Variants in IGSF21 observed in about 807,000 individuals in gnomAD.
The protein encoded by IGSF21 is immunoglobulin superfamily member 21.
IGSF21 carries 28 observed loss-of-function variants against 46.8 expected under a neutral mutation model. The ratio of observed to expected loss-of-function variants is 0.60; its 90% CI spans 0.44 to 0.82. The LOEUF (loss-of-function observed/expected upper bound fraction) is 0.82. Ranked by LOEUF, IGSF21 falls within the 40% of genes least tolerant of loss-of-function variation. IGSF21 has a pLI of 0.00. For synonymous variants in IGSF21, 284 were observed against 273.6 expected (o/e 1.04, Z -0.38); for missense variants, 624 against 665.5 (o/e 0.94, Z 0.69).
At chr1:18,226,847 G>A (rs2084572237) in intron 1 of IGSF21, among the ~76,000 whole-genome samples, 1 of 152,214 alleles carries the variant, frequency 6.6e-6, no homozygotes, top group Admixed American at 6.5e-5. Flanking sequence ...TCAGCCGGCA[G>A]GAAGCCGATC....
chr1:18,349,963 T>C (rs993921523), intron 4 of IGSF21, among the ~76,000 whole-genome samples: 2 of 152,010 alleles, frequency 1.3e-5, no homozygotes, highest in East Asian at 3.9e-4. Context: ...CAGGGATAAG[T>C]GGCTTGCCAA....
At chr1:18,359,375 AAAGAAAGAAAGGAAGGAAGGAAGGAAGG>A (rs1373757670) in intron 4 of IGSF21, among the ~76,000 whole-genome samples, 9 of 97,146 alleles carry the variant, frequency 9.3e-5, no homozygotes, top group East Asian at 5.4e-4. Flanking sequence ...AGAAAGAAAG[AAAGAAAGAAAGGAAGGAAGGAAGGAAGG>A]AAGGAAGGAA....
chr1:18,146,974 C>T (rs1274506504), intron 1 of IGSF21, among the ~76,000 whole-genome samples: 1 of 152,208 alleles, frequency 6.6e-6, no homozygotes, highest in Non-Finnish European at 1.5e-5. Context: ...GATTCCTTGT[C>T]TGCCCTTGCT....
intron 2 of IGSF21, among the ~76,000 whole-genome samples, chr1:18,255,247 C>G (rs78072579): frequency 1.3e-5 from 2 of 152,214 alleles, no homozygotes; most frequent in Admixed American, 1.3e-4. Flanking sequence ...CCAAACTTCA[C>G]TCTGCACTCC....
chr1:18,166,684 A>G (rs2086681903), intron 1 of IGSF21, among the ~76,000 whole-genome samples: 4 of 152,168 alleles, frequency 2.6e-5, no homozygotes, highest in African/African-American at 9.6e-5. Context: ...GGGAAGGGGG[A>G]TGCAGAGTGG....
chr1:18,174,599 CT>C (rs965566826), intron 1 of IGSF21, among the ~76,000 whole-genome samples: 72 of 152,330 alleles, frequency 4.7e-4, no homozygotes, highest in African/African-American at 1.5e-3. Flanking sequence ...CGACTTCCCC[CT>C]GCCAGCTCTC....
chr1:18,272,466 G>C (rs2085052083), intron 2 of IGSF21, among the ~76,000 whole-genome samples: 1 of 152,186 alleles, frequency 6.6e-6, no homozygotes, highest in Admixed American at 6.5e-5. Flanking sequence ...TAGTTGGGAG[G>C]ATCCAGTGAG....
chr1:18,247,528 C>A (rs1469183191), intron 2 of IGSF21, among the ~76,000 whole-genome samples: 1 of 152,204 alleles, frequency 6.6e-6, no homozygotes, highest in South Asian at 2.1e-4. Context: ...AACCATGGGC[C>A]AGGAAGCAGC....
At chr1:18,219,295 G>A (rs1358501449) in intron 1 of IGSF21, among the ~76,000 whole-genome samples, 1 of 152,218 alleles carries the variant, frequency 6.6e-6, no homozygotes, top group Admixed American at 6.5e-5. Flanking sequence ...TGGGTATCTA[G>A]GGAAAGATTG....
intron 3 of IGSF21, among the ~76,000 whole-genome samples, chr1:18,313,154 G>A (rs1458678210): frequency 6.6e-6 from 1 of 152,182 alleles, no homozygotes; most frequent in Non-Finnish European, 1.5e-5. Flanking sequence ...CCCAGCAGAG[G>A]GACAGGGAGG....
At chr1:18,163,152 C>G (rs898778989) in intron 1 of IGSF21, among the ~76,000 whole-genome samples, 1 of 151,850 alleles carries the variant, frequency 6.6e-6, no homozygotes, top group Non-Finnish European at 1.5e-5. Flanking sequence ...AGACCTTGGA[C>G]AAATCTGCTT....
At chr1:18,294,309 A>G (rs2085293173) in intron 3 of IGSF21, among the ~76,000 whole-genome samples, 1 of 152,188 alleles carries the variant, frequency 6.6e-6, no homozygotes, top group Admixed American at 6.5e-5. Flanking sequence ...GTTTGCTGCC[A>G]TTGCCTAGAA....
chr1:18,148,312 T>G (rs962676151), intron 1 of IGSF21, among the ~76,000 whole-genome samples: 5 of 151,948 alleles, frequency 3.3e-5, no homozygotes, highest in Admixed American at 2.6e-4. Flanking sequence ...TTTTGTATTT[T>G]TAGTAGAGAT....
intron 2 of IGSF21, among the ~76,000 whole-genome samples, chr1:18,242,134 G>T (rs988563778): frequency 3.3e-5 from 5 of 152,166 alleles, no homozygotes; most frequent in Admixed American, 6.5e-5. Context: ...GTCAAATGAG[G>T]ACTTGAGGGA....
At chr1:18,128,954 C>A (rs1206917066) in intron 1 of IGSF21, among the ~76,000 whole-genome samples, 1 of 152,024 alleles carries the variant, frequency 6.6e-6, no homozygotes, top group Non-Finnish European at 1.5e-5. Context: ...TGGCCTGGAG[C>A]CCACAGAGTA....
intron 4 of IGSF21, among the ~76,000 whole-genome samples, chr1:18,338,851 A>G (rs1475169509): frequency 6.6e-6 from 1 of 150,770 alleles, no homozygotes; most frequent in Non-Finnish European, 1.5e-5. Context: ...AACGCATTAT[A>G]CACAGTCATG....
intron 2 of IGSF21, among the ~76,000 whole-genome samples, chr1:18,274,185 A>G (rs1341363910): frequency 6.6e-6 from 1 of 152,234 alleles, no homozygotes; most frequent in East Asian, 1.9e-4. Context: ...CCCTTCTGCA[A>G]TTTATAGCCA....
chr1:18,341,060 T>TTCC lies in IGSF21; in HGVS notation c.424+6052_424+6053insCTC, dbSNP rs869119314. The stretch of plus-strand genomic sequence containing the variant: ...CTTCTTCTTCCTCTTCCTCTTCCTC[T>TTCC]TCTTCTTCTTCTTCTTCTCCTCCTC... On this transcript the variant is annotated intron_variant, in intron 4 of 9. Transcript: ENST00000251296. Among the ~76,000 whole-genome samples the TTCC allele has an allele frequency of 7.8e-3, 636 of 82,010 alleles. 1 individual carries two copies. Among genetic ancestry groups the TTCC allele is most frequent in the African/African-American group, 0.01 (237 of 23,018 alleles). 53.8% of individuals were successfully genotyped at this position (82,010 alleles called of 152,430 possible).
chr1:18,313,877 C>T (rs1445267149), intron 3 of IGSF21, among the ~76,000 whole-genome samples: 2 of 152,138 alleles, frequency 1.3e-5, no homozygotes, highest in Non-Finnish European at 2.9e-5. Flanking sequence ...GGAACTCTGC[C>T]CTGAATCTTT....
Sources: allele counts gnomAD v4.1 joint callset (sites outside exome capture counted in the v4.1 genomes callset), GRCh38; gene constraint gnomAD v4.1.1; transcripts MANE v1.5; gene names NCBI Gene and HGNC (gene_info 2026-07-23, HGNC 2026-07-21).